Variants in PTK7 observed in about 807,000 individuals in gnomAD.
The protein encoded by PTK7 is inactive tyrosine-protein kinase 7.
Under a neutral mutation model 116.6 loss-of-function variants are expected in PTK7, and 39 were observed. The observed-to-expected ratio is 0.33, with a 90% CI of 0.26 to 0.44. The LOEUF (loss-of-function observed/expected upper bound fraction) is 0.44. Among genes scored for constraint, PTK7 ranks in the 20% least tolerant of loss-of-function variants. The pLI is 1.00. For synonymous variants in PTK7, 546 were observed against 563.6 expected (o/e 0.97, Z 0.44); for missense variants, 1,169 against 1,425.6 (o/e 0.82, Z 2.90).
In PTK7 at chr6:43,139,641, A is replaced by C; in HGVS notation, c.1618+116A>C. ...CAGGAAATGTGGAGATTAGACAAGC[A>C]GTGCAGGGCTGATGTATAGTTTAGT... On this transcript the variant is annotated intron_variant, in intron 10 of 19. Transcript: ENST00000230419. This position sits in a 1 kb window ranked among gnomAD's most constrained non-coding sequence, Gnocchi z 4.6. 1 of 1,471,586 alleles carries C rather than the reference A, an allele frequency of 6.8e-7. No homozygotes were observed. Among genetic ancestry groups the C allele is most frequent in the Non-Finnish European group, 9.2e-7 (1 of 1,092,426 alleles). 91.2% of individuals were successfully genotyped at this position (1,471,586 alleles called of 1,614,324 possible).
intron 17 of PTK7, among the ~76,000 whole-genome samples, chr6:43,158,192 G>A (rs944370652): frequency 1.3e-5 from 2 of 151,880 alleles, no homozygotes; most frequent in East Asian, 1.9e-4. Context: ...CCAGCTACTC[G>A]GGAGGCTGAG....
chr6:43,086,532 C>T (rs1018884750), intron 1 of PTK7, among the ~76,000 whole-genome samples: 1 of 151,966 alleles, frequency 6.6e-6, no homozygotes, highest in South Asian at 2.1e-4. Flanking sequence ...CCTTTGTGCA[C>T]ATTACAAATA....
intron 1 of PTK7, among the ~76,000 whole-genome samples, chr6:43,077,861 C>T (rs1412675084): frequency 1.3e-5 from 2 of 152,248 alleles, no homozygotes; most frequent in Non-Finnish European, 2.9e-5. Context: ...AAATGTAACC[C>T]AGGAAAGAGA....
rs1301957228 is a variant in PTK7, at chr6:43,085,183, G to T, written c.79+8616G>T. ...TAATGCTCTTCAACTGTGGAAATGG[G>T]TGACCCCTGGGAAGCAGCCCCTCTG... On this transcript the variant is annotated intron_variant, in intron 1 of 19. Coordinates refer to ENST00000230419, the MANE Select transcript of PTK7 (RefSeq NM_002821.5). Among the ~76,000 whole-genome samples, 4 of 152,314 alleles carry T rather than the reference G, an allele frequency of 2.6e-5. No homozygotes were observed. In the East Asian group the frequency reaches 7.7e-4, roughly 29 times the overall value.
intron 1 of PTK7, among the ~76,000 whole-genome samples, chr6:43,108,823 G>GCCATC (rs1276627949): frequency 6.6e-6 from 1 of 152,184 alleles, no homozygotes; most frequent in Non-Finnish European, 1.5e-5. Flanking sequence ...GGAATGAGAA[G>GCCATC]CCATCACTAA....
intron 17 of PTK7, among the ~76,000 whole-genome samples, chr6:43,148,143 C>A (rs775425344): frequency 6.6e-5 from 10 of 152,040 alleles, no homozygotes; most frequent in African/African-American, 9.7e-5. Context: ...GTCCCAGCTA[C>A]TTGTGAGGCT....
intron 3 of PTK7, 112 bp from the exon 4 acceptor site, chr6:43,130,118 C>T (rs1486808992): frequency 3.9e-5 from 45 of 1,153,904 alleles, no homozygotes; most frequent in Non-Finnish European, 5.5e-5. Flanking sequence ...TTCCTCAGGC[C>T]GTTTCTCCAT....
chr6:43,117,220 T>TG (rs1768610401), intron 1 of PTK7, among the ~76,000 whole-genome samples: 1 of 152,096 alleles, frequency 6.6e-6, no homozygotes, highest in Admixed American at 6.5e-5. Context: ...ATTAATCTAC[T>TG]GGGGAGAAGA....
rs542754869 is a variant in PTK7, at chr6:43,145,124, G to A, written c.2408-76G>A. On this transcript the variant is annotated intron_variant, in intron 15 of 19. Coordinates refer to ENST00000230419, the MANE Select transcript of PTK7 (RefSeq NM_002821.5). The surrounding 1 kb of genome is among the most constrained non-coding windows in gnomAD (Gnocchi z 4.8). ...TGGGTGGGTCCCCACTGTGGGAGAGGCTAGGCCCCTCCCCCAGGTCAGGAG... is the reference window on the plus strand; with the variant it reads ...TGGGTGGGTCCCCACTGTGGGAGAGACTAGGCCCCTCCCCCAGGTCAGGAG... The A allele has an allele frequency of 7.9e-6, 11 of 1,400,142 alleles. 1 individual carries two copies. In the Admixed American group the frequency reaches 2.3e-4, roughly 29 times the overall value. 86.7% of individuals were successfully genotyped at this position (1,400,142 alleles called of 1,614,324 possible). A position where few individuals can be genotyped will look rare whatever the true frequency, so the allele number is the denominator to read the frequency against.
intron 1 of PTK7, among the ~76,000 whole-genome samples, chr6:43,090,231 T>G (rs1051473512): frequency 2.6e-5 from 4 of 152,220 alleles, no homozygotes; most frequent in Non-Finnish European, 5.9e-5. Flanking sequence ...CTTCCCACTC[T>G]GCCTGGATCA....
At chr6:43,100,539 A>G (rs1767517753) in intron 1 of PTK7, among the ~76,000 whole-genome samples, 1 of 117,840 alleles carries the variant, frequency 8.5e-6, no homozygotes, top group Non-Finnish European at 1.7e-5. Context: ...TTTTATATGC[A>G]TTTTTGTCTT....
intron 1 of PTK7, among the ~76,000 whole-genome samples, chr6:43,081,965 G>A (rs980270592): frequency 6.6e-6 from 1 of 152,076 alleles, no homozygotes; most frequent in South Asian, 2.1e-4. Context: ...TTTTGATGTG[G>A]TGGGTCTTCT....
At chr6:43,140,889 A>G (rs1183493930) in intron 10 of PTK7, among the ~76,000 whole-genome samples, 2 of 151,848 alleles carry the variant, frequency 1.3e-5, no homozygotes, top group East Asian at 1.9e-4. Flanking sequence ...TTTACTTACC[A>G]TTGTCAAGCA....
chr6:43,138,666 G>GA (rs1373150619), intron 7 of PTK7, 183 bp from the exon 8 acceptor site: 31 of 771,602 alleles, frequency 4.0e-5, no homozygotes, highest in Middle Eastern at 7.6e-4. Flanking sequence ...TGTCTTAAAA[G>GA]AAAAAAAATT....
At chr6:43,134,193 C>G (rs993653021) in intron 7 of PTK7, among the ~76,000 whole-genome samples, 19 of 152,128 alleles carry the variant, frequency 1.2e-4, no homozygotes, top group African/African-American at 4.6e-4. Context: ...TGTGTGCCAC[C>G]ACACCTGGCT....
chr6:43,115,973 G>C (rs1694175647), intron 1 of PTK7, among the ~76,000 whole-genome samples: 1 of 145,232 alleles, frequency 6.9e-6, no homozygotes, highest in African/African-American at 2.6e-5. Flanking sequence ...GCAAAATCCT[G>C]CTCCCATGCC....
At chr6:43,157,362 A>ATTTTTTTT in intron 17 of PTK7, among the ~76,000 whole-genome samples, 1 of 34,238 alleles carries the variant, frequency 2.9e-5, no homozygotes, top group Middle Eastern at 0.025. Flanking sequence ...ATATATATAT[A>ATTTTTTTT]TATTTTTTTT....
intron 1 of PTK7, among the ~76,000 whole-genome samples, chr6:43,121,671 C>G (rs931911721): frequency 2.0e-5 from 3 of 152,338 alleles, no homozygotes; most frequent in Non-Finnish European, 4.4e-5. Context: ...GTTGCTTGCA[C>G]TGAAACCACA....
chr6:43,125,180 CAAAA>C (rs772855849), intron 1 of PTK7, among the ~76,000 whole-genome samples: 1 of 151,236 alleles, frequency 6.6e-6, no homozygotes, highest in Non-Finnish European at 1.5e-5. Context: ...TCTCAAAAAA[CAAAA>C]AAAAGAAAAA....
Sources: allele counts gnomAD v4.1 joint callset (sites outside exome capture counted in the v4.1 genomes callset), GRCh38; gene constraint gnomAD v4.1.1; non-coding constraint Gnocchi (gnomAD v3.1); transcripts MANE v1.5; gene names NCBI Gene and HGNC (gene_info 2026-07-23, HGNC 2026-07-21).